MAN1A1: variants seen among roughly 807,000 people sequenced by gnomAD.
MAN1A1 encodes mannosidase alpha class 1A member 1, also known as mannosyl-oligosaccharide 1,2-alpha-mannosidase IA.
In MAN1A1, 29 loss-of-function variants were observed where a neutral mutation model predicts 70.8. The ratio of observed to expected loss-of-function variants is 0.41; its 90% CI spans 0.31 to 0.56. MAN1A1 has a LOEUF of 0.56. Among genes scored for constraint, MAN1A1 ranks in the 20% least tolerant of loss-of-function variants. The pLI, the probability that MAN1A1 is intolerant of heterozygous loss-of-function variation, is 0.29. For synonymous variants in MAN1A1, 349 were observed against 330.1 expected, an observed-to-expected ratio of 1.06 and a Z score of -0.62; for missense variants, 747 against 841.3, an observed-to-expected ratio of 0.89 and a Z score of 1.39.
At chr6:119,347,476 C>T (rs1481519587) in intron 2 of MAN1A1, among the ~76,000 whole-genome samples, 1 of 152,172 alleles carries the variant, frequency 6.6e-6, no homozygotes, top group African/African-American at 2.4e-5. Context: ...TAATGTGGTT[C>T]CTACAGCTTT....
At chr6:119,252,800 A>T (rs552568985) in intron 5 of MAN1A1, among the ~76,000 whole-genome samples, 1 of 152,278 alleles carries the variant, frequency 6.6e-6, no homozygotes, top group East Asian at 1.9e-4. Flanking sequence ...TCAAAAAAAA[A>T]TAAAAAAAAT....
intron 8 of MAN1A1, among the ~76,000 whole-genome samples, chr6:119,196,999 AGC>A (rs1280055210): frequency 6.6e-6 from 1 of 152,134 alleles, no homozygotes; most frequent in Non-Finnish European, 1.5e-5. Flanking sequence ...AAAGAGAACA[AGC>A]AGAACAACCA....
intron 11 of MAN1A1, among the ~76,000 whole-genome samples, chr6:119,182,857 C>G (rs549620074): frequency 1.3e-5 from 2 of 152,104 alleles, no homozygotes; most frequent in African/African-American, 4.8e-5. Flanking sequence ...AATTCTGTCC[C>G]TCTTTTTTTT....
chr6:119,214,792 T>A (rs775726434), intron 6 of MAN1A1, among the ~76,000 whole-genome samples: 1 of 152,132 alleles, frequency 6.6e-6, no homozygotes, highest in Non-Finnish European at 1.5e-5. Flanking sequence ...AGGCATGAAC[T>A]ACCACACTTG....
At chr6:119,315,517 G>GC (rs1772827715) in intron 2 of MAN1A1, among the ~76,000 whole-genome samples, 1 of 152,082 alleles carries the variant, frequency 6.6e-6, no homozygotes. Flanking sequence ...TGCATTTAAT[G>GC]GTTCTCTTTT....
At chr6:119,306,850 T>C (rs749900729) in intron 3 of MAN1A1, 46 bp downstream of exon 3, 1 of 1,325,656 alleles carries the variant, frequency 7.5e-7, no homozygotes, top group Admixed American at 1.7e-5. Flanking sequence ...CTCAAGCAAT[T>C]GGGGAGAAGT....
intron 6 of MAN1A1, among the ~76,000 whole-genome samples, chr6:119,222,575 C>A (rs1774394896): frequency 6.6e-6 from 1 of 152,080 alleles, no homozygotes; most frequent in Non-Finnish European, 1.5e-5. Flanking sequence ...GATCCTCCTG[C>A]CAAAGCCTCC....
At position 119,306,979 on chromosome 6, in the gene MAN1A1, G is replaced by T; in HGVS notation, c.617C>A (p.Ala206Asp). The T allele has an allele frequency of 6.3e-7, 1 of 1,578,526 alleles. No individual in the cohort carries two copies. Among genetic ancestry groups the T allele is most frequent in the Non-Finnish European group, 8.7e-7 (1 of 1,150,124 alleles). Residue 206 changes from alanine to aspartate, a missense_variant, in exon 3 of 13, where the codon GCT (alanine) becomes GAT (aspartate). This residue lies in a region of MAN1A1 where 419 missense variants were observed against 548.2 expected (regional missense o/e 0.76). Transcript: ENST00000368468. ...GGCATAACCTTTATAATTATTCCAA[G>T]CATGTTTCATCATCTGAAAAAAAAA... is the stretch of plus-strand genomic sequence containing the variant. ...RAKIKEMMKH[A>D]WNNYKGYAWG...
chr6:119,230,514 T>C (rs1774647334), intron 6 of MAN1A1, among the ~76,000 whole-genome samples: 1 of 152,310 alleles, frequency 6.6e-6, no homozygotes, highest in African/African-American at 2.4e-5. Context: ...CTCTGCTGCC[T>C]GGACCATCCA....
At position 119,232,455 on chromosome 6, in the gene MAN1A1, T is replaced by TGCCAATGA. The variant is rs1211107055; in HGVS notation, c.992+15797_992+15804dup. Among the ~76,000 whole-genome samples, 9 of 150,752 alleles carry TGCCAATGA rather than the reference T, an allele frequency of 6.0e-5. No individual in the cohort carries two copies. In the East Asian group the frequency reaches 1.8e-3, roughly 30 times the overall value. ...AAATAGACAGAGTGATAGCCTACAA[T>TGCCAATGA]GCCAATGAGTGATAGCCTACAATGC... On this transcript the variant is annotated intron_variant, in intron 6 of 12. Coordinates refer to ENST00000368468, the MANE Select transcript of MAN1A1 (RefSeq NM_005907.4).
chr6:119,191,888 C>G (rs980555588), intron 9 of MAN1A1, among the ~76,000 whole-genome samples: 1 of 152,164 alleles, frequency 6.6e-6, no homozygotes, highest in Non-Finnish European at 1.5e-5. Context: ...TTCTAAAGTA[C>G]AACTTAGCAG....
At chr6:119,350,288 C>T (rs1773875727), upstream of MAN1A1, among the ~76,000 whole-genome samples, 1 of 152,170 alleles carries the variant, frequency 6.6e-6, no homozygotes, top group African/African-American at 2.4e-5. Context: ...TCTTTTTATC[C>T]AAGGCCGGGG....
intron 4 of MAN1A1, among the ~76,000 whole-genome samples, chr6:119,298,026 C>A (rs939604177): frequency 2.6e-5 from 4 of 152,050 alleles, no homozygotes; most frequent in Non-Finnish European, 5.9e-5. Context: ...ACTACTTTTC[C>A]TGCTAGACTA....
In MAN1A1 at chr6:119,306,974, T is replaced by C. The variant is rs1772551343; in HGVS notation, c.622A>G (p.Asn208Asp). The C allele has an allele frequency of 6.3e-7, 1 of 1,583,798 alleles. No individual in the cohort carries two copies. The highest frequency in any genetic ancestry group is 1.7e-5 in the Admixed American group (1 of 59,658). ...CCCCAGGCATAACCTTTATAATTATTCCAAGCATGTTTCATCATCTGAAAA... is the reference window on the plus strand; with the variant it reads ...CCCCAGGCATAACCTTTATAATTATCCCAAGCATGTTTCATCATCTGAAAA... ...KIKEMMKHAWNNYKGYAWGLN... is the reference protein window; with the variant it reads ...KIKEMMKHAWDNYKGYAWGLN... The change falls in exon 3 of 13, where the codon AAT becomes GAT. Residue 208 changes from asparagine (N) to aspartate (D), a missense_variant. Asn to Asp is a conservative substitution (Grantham distance 23). Transcript: ENST00000368468.
chr6:119,274,806 TACTC>T (rs1776010822), intron 5 of MAN1A1, among the ~76,000 whole-genome samples: 1 of 152,236 alleles, frequency 6.6e-6, no homozygotes, highest in Non-Finnish European at 1.5e-5. Flanking sequence ...TTGTTATATG[TACTC>T]ACTGGATAAT....
chr6:119,223,853 T>C lies in MAN1A1; in HGVS notation c.993-18971A>G, dbSNP rs567681644. Among the ~76,000 whole-genome samples the C allele has an allele frequency of 1.7e-4, 26 of 152,200 alleles. No individual in the cohort carries two copies. In the East Asian group the frequency reaches 4.6e-3, roughly 27 times the overall value. ...GCAATTATAAAATCTGGGCATTATA[T>C]ATATATATTATAAAACTCAACTATT... On this transcript the variant is annotated intron_variant, in intron 6 of 12. Coordinates refer to ENST00000368468, the MANE Select transcript of MAN1A1 (RefSeq NM_005907.4).
chr6:119,320,915 G>A (rs1772987153), intron 2 of MAN1A1, among the ~76,000 whole-genome samples: 2 of 152,098 alleles, frequency 1.3e-5, no homozygotes, highest in African/African-American at 4.8e-5. Context: ...ACATTAAACA[G>A]CTTCAGCTTT....
rs1197924640 is a variant in MAN1A1 at position 119,253,216 on chromosome 6, C to T, written c.898-4862G>A. On this transcript the variant is annotated intron_variant, in intron 5 of 12. Transcript: ENST00000368468. Reference sequence around the variant, plus strand: ...AGCACTTCCCAAAGCCAAATCTGCACCAAAAAAAGGTAATGGTCACTGTTT... The same window carrying T: ...AGCACTTCCCAAAGCCAAATCTGCATCAAAAAAAGGTAATGGTCACTGTTT... 3.3e-5 allele frequency among the ~76,000 whole-genome samples: 5 copies of T among 151,882 alleles called. No homozygotes were observed. The East Asian group carries it at 9.6e-4, about 29-fold the overall frequency.
In MAN1A1 at chr6:119,349,708, G is replaced by T; in HGVS notation, c.-389C>A. 2 of 985,814 alleles carry T rather than the reference G, an allele frequency of 2.0e-6. No homozygotes were observed. Among genetic ancestry groups the T allele is most frequent in the Non-Finnish European group, 2.4e-6 (2 of 830,052 alleles). The allele number at this position is 985,814 out of a possible 1,614,324, so 61.1% of individuals were successfully genotyped here. ...TGGGCGAGCGCGCCGACCTGCGGGC[G>T]AATGGCAGCGAGTAGAGCAGCACGG... On this transcript the variant is annotated 5_prime_UTR_variant, in exon 1 of 13. Coordinates refer to ENST00000368468, the MANE Select transcript of MAN1A1 (RefSeq NM_005907.4).
Sources: allele counts gnomAD v4.1 joint callset (sites outside exome capture counted in the v4.1 genomes callset), GRCh38; gene constraint gnomAD v4.1.1; regional missense constraint gnomAD v4.1.1; transcripts MANE v1.5; gene names NCBI Gene and HGNC (gene_info 2026-07-23, HGNC 2026-07-21).